Variants in IRAG2 observed in about 807,000 individuals in gnomAD.
IRAG2 encodes the protein inositol 1,4,5-triphosphate receptor associated 2, also known as lymphoid restricted membrane protein.
IRAG2 carries 45 observed loss-of-function variants against 69.9 expected under a neutral mutation model. The observed-to-expected ratio is 0.64, with a 90% confidence interval of 0.51 to 0.83. IRAG2 has a LOEUF of 0.83. IRAG2 is among the 40% of genes least tolerant of loss of function. The pLI is 0.00. For synonymous variants in IRAG2, 193 were observed against 202.4 expected (o/e 0.95, Z 0.40); for missense variants, 520 against 587.0 (o/e 0.89, Z 1.18).
At chr12:25,075,727 G>A (rs1946651773) in intron 6 of IRAG2, 1 of 152,118 alleles carries the variant, frequency 6.6e-6, no homozygotes, top group Non-Finnish European at 1.5e-5. Context: ...TGAATGGCTT[G>A]GACAGAAAGA....
chr12:25,049,067 C>G (rs1461151015), upstream of IRAG2, among the ~76,000 whole-genome samples: 3 of 152,052 alleles, frequency 2.0e-5, no homozygotes, highest in Non-Finnish European at 4.4e-5. Context: ...GTGTACAGTC[C>G]TATTTCTGAG....
At chr12:25,058,182 G>A (rs192849758) in intron 1 of IRAG2, among the ~76,000 whole-genome samples, 3 of 152,248 alleles carry the variant, frequency 2.0e-5, no homozygotes, top group Non-Finnish European at 4.4e-5. Context: ...AATGGTTTTC[G>A]GTAGTTTTTA....
chr12:25,007,558 G>A (rs975211776), intron 2 of IRAG2, among the ~76,000 whole-genome samples: 4 of 152,132 alleles, frequency 2.6e-5, no homozygotes, highest in Non-Finnish European at 5.9e-5. Flanking sequence ...TCTCACTCTT[G>A]TCACCTAGGC....
intron 7 of IRAG2, 49 bp downstream of exon 7, chr12:25,079,339 G>A: frequency 4.3e-6 from 7 of 1,610,688 alleles, no homozygotes; most frequent in Non-Finnish European, 5.9e-6. Context: ...TATTTAGTTG[G>A]TTTTAAGAGA....
intron 16 of IRAG2, among the ~76,000 whole-genome samples, chr12:25,044,435 A>G (rs1944775406): frequency 1.3e-5 from 2 of 152,130 alleles, no homozygotes; most frequent in African/African-American, 2.4e-5. Flanking sequence ...AATTACTTCA[A>G]ATATAAATGG....
chr12:25,071,287 A>C (rs1027091004), intron 6 of IRAG2, among the ~76,000 whole-genome samples: 3 of 152,140 alleles, frequency 2.0e-5, no homozygotes, highest in African/African-American at 7.2e-5. Flanking sequence ...CAGAGGTTGC[A>C]GTGAGCCGAG....
upstream of IRAG2, among the ~76,000 whole-genome samples, chr12:25,000,006 A>G (rs1025761518): frequency 6.6e-6 from 1 of 152,188 alleles, no homozygotes; most frequent in African/African-American, 2.4e-5. Context: ...CTAGTGGCTT[A>G]CTTGTTCATA....
chr12:25,058,052 A>C (rs1945385846), intron 1 of IRAG2, among the ~76,000 whole-genome samples: 1 of 152,222 alleles, frequency 6.6e-6, no homozygotes, highest in Admixed American at 6.5e-5. Context: ...AGCTGCTATG[A>C]ACGTCTGTGT....
chr12:25,053,817 A>T (rs933774042), intron 1 of IRAG2, among the ~76,000 whole-genome samples: 1 of 151,198 alleles, frequency 6.6e-6, no homozygotes, highest in African/African-American at 2.4e-5. Flanking sequence ...TTTAATATAT[A>T]AGCTTAAGGT....
At chr12:25,069,242 T>C (rs1591994060) in intron 5 of IRAG2, 108 bp from the exon 6 acceptor site, 1 of 515,238 alleles carries the variant, frequency 1.9e-6, no homozygotes, top group South Asian at 3.4e-5. Flanking sequence ...AGAAATTTGA[T>C]AAAATTAGGA....
intron 3 of IRAG2, chr12:25,015,155 GT>G (rs11352951): frequency 0.28 from 241,261 of 874,122 alleles, 6,101 homozygotes; most frequent in Admixed American, 0.39. Context: ...CACTGGTTTT[GT>G]TTTTTTTTTT....
chr12:25,061,091 T>C (rs979207130), intron 1 of IRAG2, among the ~76,000 whole-genome samples: 1 of 152,224 alleles, frequency 6.6e-6, no homozygotes. Context: ...TGTTCTAGCC[T>C]GGTTTTCCAT....
At chr12:25,058,568 T>C (rs1945415396) in intron 1 of IRAG2, among the ~76,000 whole-genome samples, 1 of 152,224 alleles carries the variant, frequency 6.6e-6, no homozygotes, top group Non-Finnish European at 1.5e-5. Context: ...GTATAGATAG[T>C]ATTATACAAG....
chr12:25,015,896 G>C (rs529853208), intron 5 of IRAG2, among the ~76,000 whole-genome samples: 8 of 152,264 alleles, frequency 5.3e-5, no homozygotes, highest in African/African-American at 1.9e-4. Flanking sequence ...AGGTTTATCC[G>C]TAAAGAAAAG....
At chr12:25,031,798 G>A (rs926469044) in intron 10 of IRAG2, among the ~76,000 whole-genome samples, 3 of 152,144 alleles carry the variant, frequency 2.0e-5, no homozygotes, top group African/African-American at 7.2e-5. Context: ...GAGTAGCTGG[G>A]ATTACAGGCA....
intron 16 of IRAG2, among the ~76,000 whole-genome samples, chr12:25,044,532 C>A (rs73075612): frequency 0.023 from 3,538 of 152,048 alleles, 56 homozygotes; most frequent in East Asian, 0.09. Context: ...TCTCAAGAGT[C>A]TCACTTTAGA....
At chr12:25,034,700 G>A (rs777629985) in intron 13 of IRAG2, among the ~76,000 whole-genome samples, 3 of 152,184 alleles carry the variant, frequency 2.0e-5, no homozygotes, top group Non-Finnish European at 2.9e-5. Flanking sequence ...ATCTGTGGAC[G>A]ATAGATATGT....
chr12:25,064,142 G>A (rs1430364722), intron 4 of IRAG2, among the ~76,000 whole-genome samples: 2 of 152,032 alleles, frequency 1.3e-5, no homozygotes, highest in Non-Finnish European at 2.9e-5. Flanking sequence ...AAACAAAAAA[G>A]AATAAGTCCT....
rs549003366 is a variant in IRAG2, at chr12:25,090,741, C to T, written c.606+544C>T. 7.2e-6 allele frequency: 3 copies of T among 415,144 alleles called. No individual in the cohort carries two copies. The Admixed American group carries it at 8.4e-5, about 12-fold the overall frequency. The allele number at this position is 415,144 out of a possible 1,614,324, so 25.7% of individuals were successfully genotyped here. On this transcript the variant is annotated intron_variant, in intron 14 of 21. Transcript: ENST00000556887. ...AGTTTCACTAATAGGAGAGTATCAG[C>T]TATAAAATGAAAAATGTCTTTTTAA...
Sources: gnomAD v4.1 joint callset for allele counts (sites outside exome capture counted in the v4.1 genomes callset) on GRCh38, gnomAD v4.1.1 for gene constraint, MANE v1.5 for transcripts, NCBI Gene and HGNC (gene_info 2026-07-23, HGNC 2026-07-21) for gene names.